Variants in TULP4 observed in about 807,000 individuals in gnomAD.
TULP4 encodes TUB like protein 4.
TULP4 carries 16 observed loss-of-function variants against 129.0 expected under a neutral mutation model. The observed-to-expected ratio is 0.12, with a 90% CI of 0.08 to 0.19. The LOEUF (loss-of-function observed/expected upper bound fraction) is 0.19, where lower values mean the gene tolerates loss of function less well. Among genes scored for constraint, TULP4 ranks in the 10% least tolerant of loss-of-function variants. TULP4 has a pLI of 1.00. For missense variants in TULP4, 1,842 were observed against 2,059.1 expected (o/e 0.89, Z 2.04); for synonymous variants, 998 against 854.0 (o/e 1.17, Z -2.94).
intron 1 of TULP4, among the ~76,000 whole-genome samples, chr6:158,240,728 CGGCT>C (rs1291085582): frequency 5.7e-5 from 7 of 122,672 alleles, no homozygotes; most frequent in African/African-American, 2.0e-4. Flanking sequence ...CCGGACGGGG[CGGCT>C]GGCCGGGCGG....
chr6:158,240,587 T>A (rs1353220672), intron 1 of TULP4, among the ~76,000 whole-genome samples: 6 of 75,234 alleles, frequency 8.0e-5, no homozygotes, highest in African/African-American at 8.5e-5. Flanking sequence ...CACTTCCCAG[T>A]AGGGGCGGCC....
chr6:158,502,208 GCACCCCCGCCCC>G lies in TULP4; in HGVS notation c.2547_2558del (p.Pro850_Pro853del). 1 of 1,208,744 alleles carries G rather than the reference GCACCCCCGCCCC, an allele frequency of 8.3e-7. No homozygotes were observed. Among genetic ancestry groups the G allele is most frequent in the East Asian group, 3.0e-5 (1 of 33,742 alleles). 74.9% of individuals were successfully genotyped at this position (1,208,744 alleles called of 1,614,324 possible). ...CATCCCCGCTGCCCCCACCACAGCAGCACCCCCGCCCCCTCTGCCGCCCCCACAGCCCCCAGT... is the reference window on the plus strand; with the variant it reads ...CATCCCCGCTGCCCCCACCACAGCAGCTCTGCCGCCCCCACAGCCCCCAGT... On this transcript the variant is annotated inframe_deletion, in exon 13 of 14. Transcript: ENST00000367097.
Position 158,429,888 on chromosome 6 carries a change from C to T in TULP4, c.534C>T (p.Asp178=), listed in dbSNP as rs149017583. The stretch of plus-strand genomic sequence containing the variant: ...TTACGTGTGGCATATGGACTCCTGA[C>T]GACCAACAGGTAACACTTCTGAAAT... ...SQITCGIWTP[D]DQQVLFGTAD... The change falls in exon 3 of 14, where the codon GAC becomes GAT. Residue 178 remains aspartate, a synonymous_variant. Transcript: ENST00000367097. 3.5e-5 allele frequency: 57 copies of T among 1,613,584 alleles called. No individual in the cohort carries two copies. Among genetic ancestry groups the T allele is most frequent in the Middle Eastern group, 1.6e-4 (1 of 6,062 alleles).
chr6:158,332,944 T>C (rs1174103800), intron 1 of TULP4, among the ~76,000 whole-genome samples: 5 of 152,242 alleles, frequency 3.3e-5, no homozygotes, highest in African/African-American at 9.6e-5. Flanking sequence ...CACACGTACA[T>C]ACATGCATAT....
intron 1 of TULP4, among the ~76,000 whole-genome samples, chr6:158,348,669 C>T (rs977660037): frequency 4.6e-5 from 7 of 152,184 alleles, no homozygotes; most frequent in Admixed American, 1.3e-4. Context: ...CATCATGGCC[C>T]GTTCTCGATG....
chr6:158,444,719 T>A (rs1031640596), intron 3 of TULP4, among the ~76,000 whole-genome samples: 2 of 152,256 alleles, frequency 1.3e-5, no homozygotes, highest in Admixed American at 1.3e-4. Flanking sequence ...TTGATAATAA[T>A]TGTGTTTATT....
At chr6:158,320,313 A>G (rs998905162) in intron 1 of TULP4, among the ~76,000 whole-genome samples, 4 of 152,204 alleles carry the variant, frequency 2.6e-5, no homozygotes, top group Non-Finnish European at 5.9e-5. Context: ...CATAATGAAG[A>G]TTATTTCAGA....
Position 158,493,513 on chromosome 6 carries a change from A to G in TULP4, c.1632-60A>G. On this transcript the variant is annotated intron_variant, in intron 9 of 13. Coordinates refer to ENST00000367097, the MANE Select transcript of TULP4 (RefSeq NM_020245.5). This position sits in a 1 kb window ranked among gnomAD's most constrained non-coding sequence, Gnocchi z 4.4. ...AGAAAAAGAAAGGACTGCTGGAGTC[A>G]GGGCCATGCTCACCATTCCCGCCAC... 1.4e-6 allele frequency: 2 copies of G among 1,410,210 alleles called. No individual in the cohort carries two copies. The highest frequency in any genetic ancestry group is 1.7e-5 in the South Asian group (1 of 58,712). The allele number at this position is 1,410,210 out of a possible 1,614,324, so 87.4% of individuals were successfully genotyped here.
At chr6:158,360,409 G>A (rs982237847) in intron 1 of TULP4, among the ~76,000 whole-genome samples, 3 of 152,146 alleles carry the variant, frequency 2.0e-5, no homozygotes, top group East Asian at 3.8e-4. Context: ...GCACATGTCA[G>A]TGTCTGCCCA....
At chr6:158,270,937 G>T (rs1778535082) in intron 1 of TULP4, among the ~76,000 whole-genome samples, 1 of 152,072 alleles carries the variant, frequency 6.6e-6, no homozygotes, top group Non-Finnish European at 1.5e-5. Flanking sequence ...ATCACCTGAG[G>T]TCAGGAGGTC....
intron 1 of TULP4, among the ~76,000 whole-genome samples, chr6:158,402,486 G>A (rs949121686): frequency 6.6e-6 from 1 of 152,194 alleles, no homozygotes; most frequent in Admixed American, 6.5e-5. Context: ...TGAGGGAAGT[G>A]CAGACTGTCT....
intron 1 of TULP4, among the ~76,000 whole-genome samples, chr6:158,342,108 G>A (rs1163621660): frequency 6.6e-6 from 1 of 152,212 alleles, no homozygotes; most frequent in African/African-American, 2.4e-5. Flanking sequence ...AGTAGAAACA[G>A]TGTTTCACCA....
chr6:158,232,554 G>A (rs1440635038), intron 1 of TULP4, among the ~76,000 whole-genome samples: 2 of 152,040 alleles, frequency 1.3e-5, no homozygotes, highest in East Asian at 3.9e-4. Context: ...GGAGCCTTTT[G>A]TCTCCGCGTG....
intron 1 of TULP4, among the ~76,000 whole-genome samples, chr6:158,269,258 A>G (rs927311141): frequency 1.3e-5 from 2 of 152,088 alleles, no homozygotes; most frequent in South Asian, 2.1e-4. Context: ...TTTTAGCACC[A>G]TAGTTTGGTG....
At chr6:158,448,520 A>G (rs1779101489) in intron 3 of TULP4, among the ~76,000 whole-genome samples, 1 of 152,208 alleles carries the variant, frequency 6.6e-6, no homozygotes. Context: ...TCTTTTCCAA[A>G]TATGGTTATA....
Position 158,420,387 on chromosome 6 carries a change from G to T in TULP4, c.381+7194G>T, listed in dbSNP as rs140191036. Among the ~76,000 whole-genome samples the T allele has an allele frequency of 7.6e-3, 1,153 of 152,334 alleles. 11 individuals are homozygous for T. The highest frequency in any genetic ancestry group is 0.01 in the Admixed American group (160 of 15,302). ...GACTTAAATAAAAAACAGATTTCCA[G>T]TGTCAGGCATGATGATTATAGACCA... On this transcript the variant is annotated intron_variant, in intron 2 of 13. Coordinates refer to ENST00000367097, the MANE Select transcript of TULP4 (RefSeq NM_020245.5).
At chr6:158,436,604 T>C (rs2115082261) in intron 3 of TULP4, among the ~76,000 whole-genome samples, 1 of 152,368 alleles carries the variant, frequency 6.6e-6, no homozygotes, top group East Asian at 1.9e-4. Context: ...TACATGTTTT[T>C]GCTAGCAATA....
At chr6:158,323,888 C>T (rs1364887896) in intron 1 of TULP4, among the ~76,000 whole-genome samples, 2 of 152,070 alleles carry the variant, frequency 1.3e-5, no homozygotes, top group Non-Finnish European at 2.9e-5. Context: ...GTAGTATATA[C>T]GTAGGATCTT....
intron 8 of TULP4, among the ~76,000 whole-genome samples, chr6:158,483,689 A>C (rs1421594096): frequency 1.3e-5 from 2 of 152,092 alleles, no homozygotes; most frequent in Non-Finnish European, 2.9e-5. Flanking sequence ...TGTTCCATGC[A>C]CCACCACCCC....
Sources: allele counts gnomAD v4.1 joint callset (sites outside exome capture counted in the v4.1 genomes callset), GRCh38; gene constraint gnomAD v4.1.1; non-coding constraint Gnocchi (gnomAD v3.1); transcripts MANE v1.5; gene names NCBI Gene and HGNC (gene_info 2026-07-23, HGNC 2026-07-21).